The following ZNF880 variants were observed in gnomAD, a reference collection of about 807,000 sequenced individuals.
The protein encoded by ZNF880 is zinc finger protein 880.
ZNF880 carries 12 observed loss-of-function variants against 11.8 expected under a neutral mutation model. That is an observed-to-expected ratio of 1.02 (90% confidence interval 0.65 to 1.65). The LOEUF (loss-of-function observed/expected upper bound fraction) is 1.65, where lower values mean the gene tolerates loss of function less well. Among genes scored for constraint, ZNF880 ranks in the 40% most tolerant of loss-of-function variants. The pLI, the probability that ZNF880 is intolerant of heterozygous loss-of-function variation, is 0.00. For synonymous variants in ZNF880, 210 were observed against 232.4 expected, an observed-to-expected ratio of 0.90 and a Z score of 0.88; for missense variants, 601 against 673.9, an observed-to-expected ratio of 0.89 and a Z score of 1.20.
chr19:52,379,167 A>G (rs947645226), intron 3 of ZNF880, among the ~76,000 whole-genome samples: 2 of 152,042 alleles, frequency 1.3e-5, no homozygotes, highest in Admixed American at 6.6e-5. Flanking sequence ...TTTGTTTTAT[A>G]TGTGTGGGGA....
intron 1 of ZNF880, among the ~76,000 whole-genome samples, chr19:52,371,400 G>T (rs561702270): frequency 2.6e-5 from 4 of 151,248 alleles, no homozygotes; most frequent in African/African-American, 9.8e-5. Context: ...ACCCAGGCTG[G>T]AGTCTCGCTT....
At chr19:52,382,065 G>C (rs910094111) in intron 3 of ZNF880, among the ~76,000 whole-genome samples, 1 of 152,094 alleles carries the variant, frequency 6.6e-6, no homozygotes, top group Non-Finnish European at 1.5e-5. Context: ...CCTGAGGTCA[G>C]GAGTTTGAGA....
At chr19:52,380,748 C>G (rs926679823) in intron 3 of ZNF880, among the ~76,000 whole-genome samples, 1 of 152,180 alleles carries the variant, frequency 6.6e-6, no homozygotes, top group African/African-American at 2.4e-5. Flanking sequence ...ACAGTTATAG[C>G]TCATTGTATC....
intron 3 of ZNF880, among the ~76,000 whole-genome samples, chr19:52,375,650 C>A (rs1362360297): frequency 6.6e-6 from 1 of 151,994 alleles, no homozygotes; most frequent in African/African-American, 2.4e-5. Flanking sequence ...TCCCTCACCC[C>A]CCTCCCACCT....
chr19:52,379,469 C>T (rs572855329), intron 3 of ZNF880: 2 of 447,982 alleles, frequency 4.5e-6, no homozygotes, highest in African/African-American at 4.1e-5. Context: ...GATCTCGGCT[C>T]ACTGCAACCT....
intron 3 of ZNF880, chr19:52,380,223 A>G (rs527526058): frequency 1.3e-4 from 19 of 151,794 alleles, no homozygotes; most frequent in African/African-American, 4.3e-4. Flanking sequence ...ACCATTATAC[A>G]TTTCCAGCAA....
At chr19:52,386,185 A>AAAAG (rs922021365), downstream of ZNF880, among the ~76,000 whole-genome samples, 7 of 141,166 alleles carry the variant, frequency 5.0e-5, no homozygotes, top group East Asian at 4.1e-4. Context: ...AAAAAAAAAA[A>AAAAG]AAAGAAAGAA....
At chr19:52,393,458 T>C in the ZNF880 span, among the ~76,000 whole-genome samples, 1 of 151,702 alleles carries the variant, frequency 6.6e-6, no homozygotes, top group East Asian at 1.9e-4. Flanking sequence ...CAATGACAAA[T>C]ACAAACTAGG....
At position 52,374,346 on chromosome 19, in the gene ZNF880, A is replaced by C. The variant is rs372723926; in HGVS notation, c.187A>C (p.Arg63=). Residue 63 remains arginine, a synonymous_variant, in exon 3 of 4, where the codon AGA becomes CGA. Transcript: ENST00000422689. ...LSVISMLEQR[R]DPRNLQSEVK... The stretch of plus-strand genomic sequence containing the variant: ...TGTTATCTCCATGTTGGAGCAAAGG[A>C]GAGATCCCCGGAATCTGCAGAGTGA... 3 of 1,613,578 alleles carry C rather than the reference A, an allele frequency of 1.9e-6. No homozygotes were observed. Among genetic ancestry groups the C allele is most frequent in the South Asian group, 2.2e-5 (2 of 91,042 alleles).
intron 1 of ZNF880, among the ~76,000 whole-genome samples, chr19:52,372,111 C>T (rs1986391030): frequency 6.6e-6 from 1 of 151,268 alleles, no homozygotes; most frequent in Non-Finnish European, 1.5e-5. Context: ...ATCACTTGAA[C>T]CTGGGAGGCG....
At chr19:52,370,058 A>G in intron 1 of ZNF880, 81 bp downstream of exon 1, 1 of 1,513,554 alleles carries the variant, frequency 6.6e-7, no homozygotes, top group Non-Finnish European at 9.0e-7. Flanking sequence ...GGGGTCACAC[A>G]GACCTTGAAA....
chr19:52,393,003 T>C, the ZNF880 span, among the ~76,000 whole-genome samples: 1 of 151,672 alleles, frequency 6.6e-6, no homozygotes, highest in South Asian at 2.1e-4. Context: ...CACTAATAAA[T>C]AGTGTTTGGG....
upstream of ZNF880, chr19:52,367,486 A>G (rs1026868385): frequency 1.3e-5 from 2 of 152,192 alleles, no homozygotes; most frequent in African/African-American, 4.8e-5. Context: ...GTTTAATCTT[A>G]CCTCAGGAGG....
chr19:52,374,209 TA>T, intron 2 of ZNF880, 89 bp from the exon 3 acceptor site: 2 of 1,143,462 alleles, frequency 1.7e-6, no homozygotes, highest in Non-Finnish European at 1.2e-6. Context: ...CACGCCCCGC[TA>T]ATTTTTTTTT....
At chr19:52,395,817 C>T in the ZNF880 span, 1 of 152,198 alleles carries the variant, frequency 6.6e-6, no homozygotes, top group African/African-American at 2.4e-5. Context: ...TCACCGGTCC[C>T]TTCCTCTCAG....
At chr19:52,388,602 C>T (rs897066311), downstream of ZNF880, among the ~76,000 whole-genome samples, 1 of 151,904 alleles carries the variant, frequency 6.6e-6, no homozygotes, top group Non-Finnish European at 1.5e-5. Flanking sequence ...GACTGCTGTA[C>T]TGGAATTTGT....
chr19:52,376,728 T>C (rs532842215), intron 3 of ZNF880, among the ~76,000 whole-genome samples: 162 of 152,238 alleles, frequency 1.1e-3, no homozygotes, highest in African/African-American at 3.7e-3. Flanking sequence ...CAGGATGGTC[T>C]CAAACTATTC....
the ZNF880 span, among the ~76,000 whole-genome samples, chr19:52,392,323 C>T: frequency 4.0e-5 from 6 of 151,820 alleles, no homozygotes; most frequent in South Asian, 4.2e-4. Flanking sequence ...TTCACTTTGA[C>T]GGAGCCTCGC....
rs769021447 is a variant in ZNF880, at chr19:52,372,077, T to C, written c.13-1034T>C. Among the ~76,000 whole-genome samples, 224 of 151,648 alleles carry C rather than the reference T, an allele frequency of 1.5e-3. 2 individuals carry two copies. The highest frequency in any genetic ancestry group is 2.7e-3 in the Non-Finnish European group (183 of 67,908). On this transcript the variant is annotated intron_variant, in intron 1 of 3. Transcript: ENST00000422689. ...AGTGGTGGGTGCCTGTAGTCCCAGCTACTCGGGAGGCTGAGGCAGAAGAAT... is the reference window on the plus strand; with the variant it reads ...AGTGGTGGGTGCCTGTAGTCCCAGCCACTCGGGAGGCTGAGGCAGAAGAAT...
Sources: allele counts gnomAD v4.1 joint callset (sites outside exome capture counted in the v4.1 genomes callset), GRCh38; gene constraint gnomAD v4.1.1; transcripts MANE v1.5; gene names NCBI Gene and HGNC (gene_info 2026-07-23, HGNC 2026-07-21).